The following MACROD2 variants were observed in gnomAD, a reference collection of about 807,000 sequenced individuals.
MACROD2 encodes mono-ADP ribosylhydrolase 2, also known as ADP-ribose glycohydrolase MACROD2.
Under a neutral mutation model 70.4 loss-of-function variants are expected in MACROD2, and 36 were observed. That is an observed-to-expected ratio of 0.51 (90% CI 0.39 to 0.68). The LOEUF is 0.68. MACROD2 is among the 30% of genes least tolerant of loss of function. MACROD2 has a pLI of 0.00. For synonymous variants in MACROD2, 172 were observed against 178.8 expected, an observed-to-expected ratio of 0.96 and a Z score of 0.30; for missense variants, 496 against 538.4, an observed-to-expected ratio of 0.92 and a Z score of 0.78.
intron 3 of MACROD2, among the ~76,000 whole-genome samples, chr20:14,255,579 A>G (rs1197931260): frequency 6.6e-6 from 1 of 151,982 alleles, no homozygotes; most frequent in African/African-American, 2.4e-5. Flanking sequence ...AGATGTACCT[A>G]ATGCTAAATG....
chr20:14,858,733 C>T (rs879769237), intron 5 of MACROD2, among the ~76,000 whole-genome samples: 1 of 152,066 alleles, frequency 6.6e-6, no homozygotes, highest in Non-Finnish European at 1.5e-5. Context: ...GCATACTCTA[C>T]GCACAGCACT....
At chr20:14,043,174 C>A (rs1011615026) in intron 2 of MACROD2, among the ~76,000 whole-genome samples, 11 of 152,154 alleles carry the variant, frequency 7.2e-5, no homozygotes, top group Admixed American at 2.6e-4. Flanking sequence ...CCCACCTTGG[C>A]CTTCCAAAGT....
At chr20:14,283,207 A>G (rs552374848) in intron 3 of MACROD2, among the ~76,000 whole-genome samples, 1 of 152,324 alleles carries the variant, frequency 6.6e-6, no homozygotes, top group East Asian at 1.9e-4. Flanking sequence ...TTTGAAATGA[A>G]CATCTTAACT....
At chr20:14,085,564 T>C in intron 2 of MACROD2, 57 bp from the exon 3 acceptor site, 2 of 1,035,820 alleles carry the variant, frequency 1.9e-6, no homozygotes, top group South Asian at 2.3e-5. Context: ...TAAAAAATTA[T>C]CTCGATTAAG....
chr20:14,869,583 A>G (rs1036798937), intron 5 of MACROD2, among the ~76,000 whole-genome samples: 4 of 152,102 alleles, frequency 2.6e-5, no homozygotes, highest in African/African-American at 7.2e-5. Flanking sequence ...CTCTTTCTTT[A>G]TCTTGCATAA....
chr20:14,529,939 G>A (rs888822155), intron 4 of MACROD2, among the ~76,000 whole-genome samples: 7 of 152,198 alleles, frequency 4.6e-5, no homozygotes, highest in Non-Finnish European at 8.8e-5. Context: ...CTCAGAAGCA[G>A]AACCTAAAAC....
At chr20:14,585,641 G>A (rs1981325122) in intron 4 of MACROD2, among the ~76,000 whole-genome samples, 2 of 151,992 alleles carry the variant, frequency 1.3e-5, no homozygotes, top group Non-Finnish European at 2.9e-5. Flanking sequence ...CAATAAGTGG[G>A]ACAGATATGG....
At chr20:15,805,039 T>G (rs767803686) in intron 8 of MACROD2, among the ~76,000 whole-genome samples, 3 of 152,186 alleles carry the variant, frequency 2.0e-5, no homozygotes, top group Non-Finnish European at 2.9e-5. Flanking sequence ...CCTTATTGAC[T>G]CCCTTCTCTA....
intron 8 of MACROD2, among the ~76,000 whole-genome samples, chr20:15,678,411 G>C (rs1317489686): frequency 1.3e-5 from 2 of 151,534 alleles, no homozygotes; most frequent in Admixed American, 6.6e-5. Flanking sequence ...CCAGGCTGGA[G>C]TGCAGTGGCA....
In MACROD2 at chr20:15,995,278, G is replaced by A. The variant is rs1463698966; in HGVS notation, c.1153+8120G>A. On this transcript the variant is annotated intron_variant, in intron 15 of 17. Coordinates refer to ENST00000684519, the MANE Select transcript of MACROD2 (RefSeq NM_001351661.2). Reference sequence around the variant, plus strand: ...ACTGAAACTGAGGAAAACAGACAAAGCCACTGCTGGGCTCATCCCAAGCAT... The same window carrying A: ...ACTGAAACTGAGGAAAACAGACAAAACCACTGCTGGGCTCATCCCAAGCAT... 2.0e-5 allele frequency among the ~76,000 whole-genome samples: 3 copies of A among 149,940 alleles called. No homozygotes were observed. In the East Asian group the frequency reaches 5.8e-4, roughly 29 times the overall value.
At chr20:15,761,069 G>A (rs755263839) in intron 8 of MACROD2, among the ~76,000 whole-genome samples, 82 of 152,094 alleles carry the variant, frequency 5.4e-4, no homozygotes, top group Non-Finnish European at 3.4e-4. Context: ...GTTTTGAGAC[G>A]GAGTCTCACT....
chr20:14,495,932 A>G (rs2084848129), intron 4 of MACROD2, among the ~76,000 whole-genome samples: 1 of 152,228 alleles, frequency 6.6e-6, no homozygotes, highest in Non-Finnish European at 1.5e-5. Flanking sequence ...TCATTAAAGT[A>G]GGTCATCGAC....
intron 5 of MACROD2, among the ~76,000 whole-genome samples, chr20:14,723,646 C>T (rs2071495225): frequency 1.3e-5 from 2 of 150,984 alleles, no homozygotes; most frequent in Non-Finnish European, 2.9e-5. Context: ...CTGTTGAATT[C>T]TCCTGGGTAA....
At chr20:15,483,903 A>G (rs927777038) in intron 7 of MACROD2, among the ~76,000 whole-genome samples, 8 of 152,142 alleles carry the variant, frequency 5.3e-5, no homozygotes, top group Middle Eastern at 3.4e-3. Context: ...ACTTTTGTAT[A>G]TTAACCTTCT....
intron 5 of MACROD2, among the ~76,000 whole-genome samples, chr20:15,004,735 C>T (rs201257250): frequency 1.3e-5 from 2 of 152,054 alleles, no homozygotes; most frequent in East Asian, 3.9e-4. Context: ...AAAATGGAAA[C>T]TATGTGCTCT....
At chr20:15,390,414 A>G (rs1246085816) in intron 6 of MACROD2, among the ~76,000 whole-genome samples, 2 of 152,066 alleles carry the variant, frequency 1.3e-5, no homozygotes, top group African/African-American at 2.4e-5. Context: ...AATGTTGCAT[A>G]TATATTGTTT....
In MACROD2 at chr20:14,473,535, A is replaced by C. The variant is rs76413802; in HGVS notation, c.272-19944A>C. Among the ~76,000 whole-genome samples, 1,025 of 152,222 alleles carry C rather than the reference A, an allele frequency of 6.7e-3. 11 individuals are homozygous for C. Among genetic ancestry groups the C allele is most frequent in the African/African-American group, 0.022 (930 of 41,548 alleles). On this transcript the variant is annotated intron_variant, in intron 3 of 17. Coordinates refer to ENST00000684519, the MANE Select transcript of MACROD2 (RefSeq NM_001351661.2). ...ATTGTGTATGGACACCAAATTTTTC[A>C]ATCTGTTCATATGTTGATAGACACT... is the stretch of plus-strand genomic sequence containing the variant.
chr20:14,847,932 T>A (rs922726068), intron 5 of MACROD2, among the ~76,000 whole-genome samples: 1 of 152,250 alleles, frequency 6.6e-6, no homozygotes, highest in Non-Finnish European at 1.5e-5. Flanking sequence ...GTGGCTTCCT[T>A]AGAAGCATTT....
intron 5 of MACROD2, among the ~76,000 whole-genome samples, chr20:15,056,682 A>C (rs2075488452): frequency 6.6e-6 from 1 of 152,234 alleles, no homozygotes; most frequent in Non-Finnish European, 1.5e-5. Flanking sequence ...AGGAAGACTA[A>C]ATCATGGTTA....
Sources: gnomAD v4.1 joint callset for allele counts (sites outside exome capture counted in the v4.1 genomes callset) on GRCh38, gnomAD v4.1.1 for gene constraint, MANE v1.5 for transcripts, NCBI Gene and HGNC (gene_info 2026-07-23, HGNC 2026-07-21) for gene names.